VSIG2: variants seen among roughly 807,000 people sequenced by gnomAD.
The protein encoded by VSIG2 is V-set and immunoglobulin domain-containing protein 2.
In VSIG2, 30 loss-of-function variants were observed where a neutral mutation model predicts 29.4. That is an observed-to-expected ratio of 1.02 (90% CI 0.76 to 1.38). The LOEUF is 1.38. Ranked by LOEUF, VSIG2 falls within the 40% of genes most tolerant of loss-of-function variation. The pLI, the probability that VSIG2 is intolerant of heterozygous loss-of-function variation, is 0.00. For synonymous variants in VSIG2, 178 were observed against 174.2 expected, an observed-to-expected ratio of 1.02 and a Z score of -0.17; for missense variants, 421 against 400.8, an observed-to-expected ratio of 1.05 and a Z score of -0.43.
At chr11:124,747,737 G>A in intron 6 of VSIG2, 70 bp from the exon 7 acceptor site, 2 of 1,499,602 alleles carry the variant, frequency 1.3e-6, no homozygotes, top group Non-Finnish European at 1.8e-6. Context: ...CCTCTAACCT[G>A]GGGACTCTTA....
Position 124,747,740 on chromosome 11 carries a change from G to A in VSIG2, c.852-73C>T, listed in dbSNP as rs1229347090. On this transcript the variant is annotated intron_variant, in intron 6 of 6. Coordinates refer to ENST00000326621, the MANE Select transcript of VSIG2 (RefSeq NM_014312.5). ...GAGGAGGGCCGTCCTCTAACCTGGG[G>A]ACTCTTAAATTTCACTGTGCTTGAG... is the stretch of plus-strand genomic sequence containing the variant. The A allele has an allele frequency of 4.0e-6, 6 of 1,495,096 alleles. No individual in the cohort carries two copies. In the East Asian group the frequency reaches 1.4e-4, roughly 35 times the overall value. The allele number at this position is 1,495,096 out of a possible 1,614,324, so 92.6% of individuals were successfully genotyped here.
At position 124,750,847 on chromosome 11, in the gene VSIG2, G is replaced by A; in HGVS notation, c.294C>T (p.Pro98=). 2 of 1,614,082 alleles carry A rather than the reference G, an allele frequency of 1.2e-6. No homozygotes were observed. The highest frequency in any genetic ancestry group is 1.7e-6 in the Non-Finnish European group (2 of 1,180,000). ...TCAGTGTGGCCACCCCCACTGTGGG[G>A]GGGTTCTGAAGCAGGCTGACCCGCT... ...KSKRVSLLQN[P]PTVGVATLKL... is the part of the protein sequence containing the mutation. Residue 98 remains proline (P), a synonymous_variant, in exon 3 of 7, where the codon CCC becomes CCT. Transcript: ENST00000326621.
intron 6 of VSIG2, 149 bp from the exon 7 acceptor site, chr11:124,747,816 C>G: frequency 2.5e-6 from 2 of 801,024 alleles, no homozygotes; most frequent in Admixed American, 3.1e-5. Context: ...CTCATCACTC[C>G]CCAACGCACA....
chr11:124,748,791 G>T, intron 4 of VSIG2, 28 bp from the exon 5 acceptor site: 1 of 1,614,056 alleles, frequency 6.2e-7, no homozygotes, highest in South Asian at 1.1e-5. Context: ...AGTGTTCCAC[G>T]ACTCATTCAA....
intron 6 of VSIG2, 78 bp from the exon 7 acceptor site, chr11:124,747,745 T>C (rs927571649): frequency 2.1e-6 from 3 of 1,460,848 alleles, no homozygotes; most frequent in Non-Finnish European, 2.8e-6. Context: ...CTGGGGACTC[T>C]TAAATTTCAC....
Position 124,749,886 on chromosome 11 carries a change from A to ACAAAAAAAC in VSIG2, c.428-21_428-20insGTTTTTTTG. ...GGGGAACTGCAAAAAAAAAAAAAAA[A>ACAAAAAAAC]AAAAAAAAACAGAAAGTTCCTCAGC... is the stretch of plus-strand genomic sequence containing the variant. On this transcript the variant is annotated intron_variant, in intron 3 of 6. Transcript: ENST00000326621. 7.8e-7 allele frequency: 1 copy of ACAAAAAAAC among 1,278,594 alleles called. No individual in the cohort carries two copies. The highest frequency in any genetic ancestry group is 1.0e-6 in the Non-Finnish European group (1 of 976,418). 79.2% of individuals were successfully genotyped at this position (1,278,594 alleles called of 1,614,324 possible). A position where few individuals can be genotyped will look rare whatever the true frequency, so the allele number is the denominator to read the frequency against.
rs754189998 is a variant in VSIG2 at position 124,748,552 on chromosome 11, C to T, written c.707-18G>A. 1 of 1,611,978 alleles carries T rather than the reference C, an allele frequency of 6.2e-7. No homozygotes were observed. Among genetic ancestry groups the T allele is most frequent in the East Asian group, 2.2e-5 (1 of 44,854 alleles). ...GGAGGGTTCTAAGGAGATACAGGAC[C>T]CTCACTCAGAATTGCAGGCTTTCCT... On this transcript the variant is annotated intron_variant, in intron 5 of 6. Transcript: ENST00000326621.
intron 3 of VSIG2, 29 bp from the exon 4 acceptor site, chr11:124,749,895 A>ACAAAAAAATAC: frequency 6.7e-7 from 1 of 1,485,784 alleles, no homozygotes; most frequent in African/African-American, 1.5e-5. Context: ...AAAAAAAAAA[A>ACAAAAAAATAC]CAGAAAGTTC....
At position 124,749,870 on chromosome 11, in the gene VSIG2, C is replaced by CAAAAAAAAAAAAAAA. The variant is rs757471583; in HGVS notation, c.428-19_428-5dup. On this transcript the variant is annotated splice_polypyrimidine_tract_variant and splice_region_variant and intron_variant, in intron 3 of 6. Coordinates refer to ENST00000326621, the MANE Select transcript of VSIG2 (RefSeq NM_014312.5). ...CATAAGGGATTACTGGGGGGAACTG[C>CAAAAAAAAAAAAAAA]AAAAAAAAAAAAAAAAAAAAAAAAA... 53 of 781,262 alleles carry CAAAAAAAAAAAAAAA rather than the reference C, an allele frequency of 6.8e-5. No homozygotes were observed. In the African/African-American group the frequency reaches 1.4e-3, roughly 21 times the overall value. 48.4% of individuals were successfully genotyped at this position (781,262 alleles called of 1,614,324 possible). A position where few individuals can be genotyped will look rare whatever the true frequency, so the allele number is the denominator to read the frequency against.
At chr11:124,749,578 G>T in intron 4 of VSIG2, 130 bp downstream of exon 4, 1 of 1,272,842 alleles carries the variant, frequency 7.9e-7, no homozygotes, top group Non-Finnish European at 1.1e-6. Flanking sequence ...AGCCAAGGAA[G>T]AGACAGGGAA....
At chr11:124,747,777 G>C in intron 6 of VSIG2, 110 bp from the exon 7 acceptor site, 1 of 1,238,042 alleles carries the variant, frequency 8.1e-7, no homozygotes, top group Non-Finnish European at 1.1e-6. Context: ...ATAATCTGCG[G>C]AACTTTGGTT....
rs1368789132 is a variant in VSIG2 at position 124,752,129 on chromosome 11, C to T, written c.9G>A (p.Glu3=). The T allele has an allele frequency of 1.9e-6, 3 of 1,602,168 alleles. No homozygotes were observed. The highest frequency in any genetic ancestry group is 2.2e-5 in the South Asian group (2 of 90,188). MA[E]LPGPFLCGAL... is the part of the protein sequence containing the mutation. ...CCCCGCAGAGAAAGGGCCCCGGGAG[C>T]TCGGCCATGGCCGCGTCCGGCCGTC... The change falls in exon 1 of 7, where the codon GAG becomes GAA. Residue 3 remains glutamate (E), a synonymous_variant. Coordinates refer to ENST00000326621, the MANE Select transcript of VSIG2 (RefSeq NM_014312.5).
intron 1 of VSIG2, 106 bp from the exon 2 acceptor site, chr11:124,751,686 A>G (rs1944088852): frequency 1.6e-6 from 2 of 1,230,652 alleles, no homozygotes; most frequent in African/African-American, 1.5e-5. Context: ...CCCTCCCCAG[A>G]GCACAACCCT....
In VSIG2 at chr11:124,752,170, C is replaced by T; in HGVS notation, c.-33G>A. 1 of 1,537,062 alleles carries T rather than the reference C, an allele frequency of 6.5e-7. No homozygotes were observed. The highest frequency in any genetic ancestry group is 8.7e-7 in the Non-Finnish European group (1 of 1,148,550). On this transcript the variant is annotated 5_prime_UTR_variant, in exon 1 of 7. Coordinates refer to ENST00000326621, the MANE Select transcript of VSIG2 (RefSeq NM_014312.5). ...TCCGGCCGTCCTGTCCTGCTCCTGC[C>T]AGGTGGGCGGTCAAGGTCGGTCTGG... is the stretch of plus-strand genomic sequence containing the variant.
chr11:124,749,182 GAAGGCAGAGCAC>G (rs1049372712), intron 4 of VSIG2, among the ~76,000 whole-genome samples: 2 of 152,164 alleles, frequency 1.3e-5, no homozygotes, highest in Non-Finnish European at 2.9e-5. Context: ...CTTTGCCTTA[GAAGGCAGAGCAC>G]ATACCAGGAA....
intron 3 of VSIG2, 105 bp downstream of exon 3, chr11:124,750,609 G>A (rs1038339894): frequency 6.2e-6 from 8 of 1,283,222 alleles, no homozygotes; most frequent in Admixed American, 2.1e-5. Context: ...CAGTGCAGTT[G>A]TGTGCTTGGG....
Position 124,749,732 on chromosome 11 carries a change from G to A in VSIG2, c.562C>T (p.Pro188Ser). The change falls in exon 4 of 7, where the codon CCT becomes TCT. Residue 188 changes from proline to serine, a missense_variant. Physicochemically the swap from Pro to Ser is moderately conservative, Grantham distance 74. Transcript: ENST00000326621. ...NWVRLGTFPT[P>S]SPGSMVQDEV... Reference sequence around the variant, plus strand: ...CCTTGAACCATGCTGCCAGGAGAAGGTGTAGGAAAAGTTCCAAGACGCACC... The same window carrying A: ...CCTTGAACCATGCTGCCAGGAGAAGATGTAGGAAAAGTTCCAAGACGCACC... 1 of 1,613,654 alleles carries A rather than the reference G, an allele frequency of 6.2e-7. No individual in the cohort carries two copies. The highest frequency in any genetic ancestry group is 1.7e-4 in the Middle Eastern group (1 of 6,052).
rs374725064 is a variant in VSIG2 at position 124,750,748 on chromosome 11, G to T, written c.393C>A (p.Thr131=). The change falls in exon 3 of 7, where the codon ACC becomes ACA. Residue 131 remains threonine, a synonymous_variant. Transcript: ENST00000326621. ...CQVNNPPDFY[T]NGLGLINLTV... The stretch of plus-strand genomic sequence containing the variant: ...TAAGGTTGATTAGCCCCAACCCATT[G>T]GTGTAGAAATCTGGTGGGTTGTTGA... The T allele has an allele frequency of 1.9e-6, 3 of 1,614,070 alleles. No homozygotes were observed. Among genetic ancestry groups the T allele is most frequent in the Non-Finnish European group, 2.5e-6 (3 of 1,180,006 alleles).
rs765312526 is a variant in VSIG2, at chr11:124,747,647, C to T, written c.872G>A (p.Gly291Glu). The T allele has an allele frequency of 2.5e-6, 4 of 1,613,550 alleles. No individual in the cohort carries two copies. Among genetic ancestry groups the T allele is most frequent in the Non-Finnish European group, 3.4e-6 (4 of 1,179,842 alleles). The change falls in exon 7 of 7, where the codon GGG (glycine) becomes GAG (glutamate). Residue 291 changes from glycine to glutamate, a missense_variant. Physicochemically the swap from Gly to Glu is moderately conservative, Grantham distance 98. Transcript: ENST00000326621. ...SDLREDAIAP[G>E]ISEHTCMRAD... ...CCTCATACAAGTGTGCTCAGAGATC[C>T]CAGGAGCGATGGCATCCTCCCTGAT...
Sources: gnomAD v4.1 joint callset for allele counts (sites outside exome capture counted in the v4.1 genomes callset) on GRCh38, gnomAD v4.1.1 for gene constraint, MANE v1.5 for transcripts, NCBI Gene and HGNC (gene_info 2026-07-23, HGNC 2026-07-21) for gene names.